Variants in VPS18 observed in about 807,000 individuals in gnomAD.
The protein encoded by VPS18 is VPS18 core subunit of CORVET and HOPS complexes, also known as vacuolar protein sorting-associated protein 18 homolog.
In VPS18, 25 loss-of-function variants were observed where a neutral mutation model predicts 82.0. That is an observed-to-expected ratio of 0.30 (90% CI 0.22 to 0.43). The LOEUF is 0.43. Ranked by LOEUF, VPS18 falls within the 20% of genes least tolerant of loss-of-function variation. The probability of loss-of-function intolerance (pLI) is 1.00; values close to 1 mark genes in which losing one functional copy is unlikely to be tolerated. For synonymous variants in VPS18, 523 were observed against 543.0 expected (o/e 0.96, Z 0.51); for missense variants, 1,168 against 1,311.1 (o/e 0.89, Z 1.69).
At position 40,894,635 on chromosome 15, in the gene VPS18, C is replaced by A; in HGVS notation, c.-134C>A. Reference sequence around the variant, plus strand: ...GATCCTCAGGATTTTAAAGAGGAGGCGACGGCTGCAGGTTCCCAGGATCTG... The same window carrying A: ...GATCCTCAGGATTTTAAAGAGGAGGAGACGGCTGCAGGTTCCCAGGATCTG... On this transcript the variant is annotated 5_prime_UTR_variant, in exon 1 of 5. Coordinates refer to ENST00000220509, the MANE Select transcript of VPS18 (RefSeq NM_020857.3). 1.4e-6 allele frequency: 1 copy of A among 740,286 alleles called. No homozygotes were observed. Among genetic ancestry groups the A allele is most frequent in the Non-Finnish European group, 2.1e-6 (1 of 477,652 alleles). 45.9% of individuals were successfully genotyped at this position (740,286 alleles called of 1,614,324 possible).
chr15:40,899,833 C>T lies in VPS18; in HGVS notation c.1015C>T (p.Leu339=). ...GACCCAGTTCCACTTCCTGCTGCTA[C>T]TGGCAGACCGGGTGGAGGCAGTGTG... is the stretch of plus-strand genomic sequence containing the variant. ...VLTQFHFLLL[L]ADRVEAVCTL... Residue 339 remains leucine, a synonymous_variant, in exon 4 of 5, where the codon CTG becomes TTG. Coordinates refer to ENST00000220509, the MANE Select transcript of VPS18 (RefSeq NM_020857.3). The surrounding 1 kb of genome is among the most constrained non-coding windows in gnomAD (Gnocchi z 4.4). 1 of 1,609,430 alleles carries T rather than the reference C, an allele frequency of 6.2e-7. No homozygotes were observed. Among genetic ancestry groups the T allele is most frequent in the Non-Finnish European group, 8.5e-7 (1 of 1,180,008 alleles).
rs1351057423 is a variant in VPS18 at position 40,899,311 on chromosome 15, G to A, written c.493G>A (p.Ala165Thr). The change falls in exon 4 of 5, where the codon GCC becomes ACC. Residue 165 changes from alanine (A) to threonine (T), a missense_variant. Physicochemically the swap from Ala to Thr is moderately conservative, Grantham distance 58. Around this residue, in one of 3 missense-constraint regions of VPS18, gnomAD observed 868 missense variants for 939.8 expected, o/e 0.92. Coordinates refer to ENST00000220509, the MANE Select transcript of VPS18 (RefSeq NM_020857.3). This position sits in a 1 kb window ranked among gnomAD's most constrained non-coding sequence, Gnocchi z 4.4. ...CACAGGCCCCATCCTGGTCGGGACT[G>A]CCCAAGGCCACATCTTTGAAGCAGA... is the stretch of plus-strand genomic sequence containing the variant. ...SSTGPILVGTAQGHIFEAELS... is the reference protein window; with the variant it reads ...SSTGPILVGTTQGHIFEAELS... 6.2e-6 allele frequency: 10 copies of A among 1,614,190 alleles called. No homozygotes were observed. The highest frequency in any genetic ancestry group is 8.5e-6 in the Non-Finnish European group (10 of 1,179,994).
At chr15:40,896,753 G>A (rs1892236790) in intron 2 of VPS18, among the ~76,000 whole-genome samples, 1 of 149,260 alleles carries the variant, frequency 6.7e-6, no homozygotes, top group South Asian at 2.1e-4. Context: ...GGAAGTTGCA[G>A]TGAGCTGAGA....
chr15:40,894,737 G>A lies in VPS18; in HGVS notation c.-32G>A. 6.5e-7 allele frequency: 1 copy of A among 1,536,040 alleles called. No homozygotes were observed. The highest frequency in any genetic ancestry group is 1.2e-5 in the South Asian group (1 of 82,832). On this transcript the variant is annotated 5_prime_UTR_variant, in exon 1 of 5. Transcript: ENST00000220509. ...GGGGTAGCCCTTTTGTAATCCCCAG[G>A]CCCCGGACAAAGAGCCCAGAGGCCG... is the stretch of plus-strand genomic sequence containing the variant.
rs1892398154 is a variant in VPS18 at position 40,903,314 on chromosome 15, CGAG to C, written c.2902_2904del (p.Glu968del). On this transcript the variant is annotated inframe_deletion, in exon 5 of 5. Transcript: ENST00000220509. ...GGCCGTTCATCGACCCCCAGCGCTA[CGAG>C]GAGGAGCAGCTCAGTTGGCTGTAGG... 3.2e-6 allele frequency: 5 copies of C among 1,546,328 alleles called. No homozygotes were observed. The highest frequency in any genetic ancestry group is 4.4e-6 in the Non-Finnish European group (5 of 1,146,090).
At chr15:40,894,938 G>C in intron 1 of VPS18, 79 bp downstream of exon 1, 1 of 1,416,612 alleles carries the variant, frequency 7.1e-7, no homozygotes, top group Non-Finnish European at 9.5e-7. Context: ...GCAGCTCCAA[G>C]AGCTCGGGGT....
In VPS18 at chr15:40,894,710, G is replaced by C. The variant is rs539047105; in HGVS notation, c.-59G>C. ...CCATTCTGGGGCGACGGGGACCCCG[G>C]GGGGGTAGCCCTTTTGTAATCCCCA... On this transcript the variant is annotated 5_prime_UTR_variant, in exon 1 of 5. Coordinates refer to ENST00000220509, the MANE Select transcript of VPS18 (RefSeq NM_020857.3). The C allele has an allele frequency of 6.5e-4, 952 of 1,463,340 alleles. 9 individuals are homozygous for C. The East Asian group carries it at 0.022, about 34-fold the overall frequency. The allele number at this position is 1,463,340 out of a possible 1,614,324, so 90.6% of individuals were successfully genotyped here.
At position 40,900,888 on chromosome 15, in the gene VPS18, C is replaced by T; in HGVS notation, c.2070C>T (p.Pro690=). 6.2e-7 allele frequency: 1 copy of T among 1,614,082 alleles called. No homozygotes were observed. Among genetic ancestry groups the T allele is most frequent in the Middle Eastern group, 1.6e-4 (1 of 6,062 alleles). ...ATCTGGAGCAGGCTGGGGCCAGCCC[C>T]CACCGGGTGCATTACGACCTCAAGT... ...LAYLEQAGAS[P]HRVHYDLKYA... is the part of the protein sequence containing the mutation. Residue 690 remains proline (P), a synonymous_variant, in exon 4 of 5, where the codon CCC becomes CCT. Coordinates refer to ENST00000220509, the MANE Select transcript of VPS18 (RefSeq NM_020857.3). This position sits in a 1 kb window ranked among gnomAD's most constrained non-coding sequence, Gnocchi z 5.4.
chr15:40,901,128 G>C, intron 4 of VPS18, 114 bp downstream of exon 4: 1 of 1,123,694 alleles, frequency 8.9e-7, no homozygotes. Flanking sequence ...CTTGCAGAGA[G>C]GGAAGGTTAA....
At position 40,902,164 on chromosome 15, in the gene VPS18, G is replaced by T. The variant is rs1391925161; in HGVS notation, c.2197-452G>T. On this transcript the variant is annotated intron_variant, in intron 4 of 4. Transcript: ENST00000220509. This position sits in a 1 kb window ranked among gnomAD's most constrained non-coding sequence, Gnocchi z 4.2. ...GTCTTGCTCTGTTTCCCAGGCAGGAGTGCAGTGGCCCAATCTCGGCTCACT... is the reference window on the plus strand; with the variant it reads ...GTCTTGCTCTGTTTCCCAGGCAGGATTGCAGTGGCCCAATCTCGGCTCACT... Among the ~76,000 whole-genome samples, 1 of 150,644 alleles carries T rather than the reference G, an allele frequency of 6.6e-6. No individual in the cohort carries two copies. Among genetic ancestry groups the T allele is most frequent in the African/African-American group, 2.4e-5 (1 of 40,906 alleles).
At chr15:40,894,990 T>TC in intron 1 of VPS18, 131 bp downstream of exon 1, 2 of 877,292 alleles carry the variant, frequency 2.3e-6, no homozygotes, top group Non-Finnish European at 3.3e-6. Context: ...CCCCTGATTC[T>TC]CCTCAGGCTC....
chr15:40,895,058 T>G lies in VPS18; in HGVS notation c.91+199T>G, dbSNP rs564750649. Among the ~76,000 whole-genome samples, 19 of 152,330 alleles carry G rather than the reference T, an allele frequency of 1.2e-4. No individual in the cohort carries two copies. In the South Asian group the frequency reaches 3.1e-3, roughly 25 times the overall value. On this transcript the variant is annotated intron_variant, in intron 1 of 4. Coordinates refer to ENST00000220509, the MANE Select transcript of VPS18 (RefSeq NM_020857.3). ...TGAAAGAGCAACGGGAGCTGCCGCG[T>G]GATCTAGGCTCTACCGCTAGGGTCC...
Position 40,900,061 on chromosome 15 carries a change from T to G in VPS18, c.1243T>G (p.Cys415Gly), listed in dbSNP as rs1892319326. 2.5e-6 allele frequency: 4 copies of G among 1,613,710 alleles called. No individual in the cohort carries two copies. Among genetic ancestry groups the G allele is most frequent in the Middle Eastern group, 1.6e-4 (1 of 6,084 alleles). Reference sequence around the variant, plus strand: ...CCGCTTCGATCTGGCCAAAGAGTATTGTCGAGAGCGGCCCGACTGCCTGGA... The same window carrying G: ...CCGCTTCGATCTGGCCAAAGAGTATGGTCGAGAGCGGCCCGACTGCCTGGA... ...MNRFDLAKEY[C>G]RERPDCLDTV... is the part of the protein sequence containing the mutation. The change falls in exon 4 of 5, where the codon TGT becomes GGT. Residue 415 changes from cysteine (C) to glycine (G), a missense_variant. Coordinates refer to ENST00000220509, the MANE Select transcript of VPS18 (RefSeq NM_020857.3). The surrounding 1 kb of genome is among the most constrained non-coding windows in gnomAD (Gnocchi z 5.4).
At chr15:40,895,518 C>G (rs1892214081) in intron 1 of VPS18, among the ~76,000 whole-genome samples, 1 of 152,154 alleles carries the variant, frequency 6.6e-6, no homozygotes, top group African/African-American at 2.4e-5. Flanking sequence ...CTTGCCAACT[C>G]TACACTGAGG....
In VPS18 at chr15:40,899,967, G is replaced by T. The variant is rs751132605; in HGVS notation, c.1149G>T (p.Glu383Asp). ...CAGGCCAGCTGTGGGCCTACACTGA[G>T]CGGGCTGTCTTCCGCTACCACGTGC... The part of the protein sequence containing the change: ...SSTGQLWAYT[E>D]RAVFRYHVQR... The change falls in exon 4 of 5, where the codon GAG (glutamate) becomes GAT (aspartate). Residue 383 changes from glutamate (E) to aspartate (D), a missense_variant. By Grantham distance (45) the Glu-to-Asp change is conservative (BLOSUM62 2). This residue lies in a region of VPS18 where 868 missense variants were observed against 939.8 expected (regional missense o/e 0.92). Transcript: ENST00000220509. This position sits in a 1 kb window ranked among gnomAD's most constrained non-coding sequence, Gnocchi z 4.4. The T allele has an allele frequency of 2.5e-6, 4 of 1,613,906 alleles. No homozygotes were observed. Among genetic ancestry groups the T allele is most frequent in the Non-Finnish European group, 3.4e-6 (4 of 1,180,044 alleles).
Position 40,902,112 on chromosome 15 carries a change from CTTTCTTTT to C in VPS18, c.2197-500_2197-493del, listed in dbSNP as rs1401846246. Among the ~76,000 whole-genome samples, 1 of 132,770 alleles carries C rather than the reference CTTTCTTTT, an allele frequency of 7.5e-6. No homozygotes were observed. The highest frequency in any genetic ancestry group is 7.3e-5 in the Admixed American group (1 of 13,780). 87.1% of individuals were successfully genotyped at this position (132,770 alleles called of 152,430 possible). A position where few individuals can be genotyped will look rare whatever the true frequency, so the allele number is the denominator to read the frequency against. ...AGGTGATTTCTTTCTTTCTTTCTTT[CTTTCTTTT>C]TTTTTTTTTTGAGACGGAGTCTTGC... is the stretch of plus-strand genomic sequence containing the variant. On this transcript the variant is annotated intron_variant, in intron 4 of 4. Transcript: ENST00000220509. The surrounding 1 kb of genome is among the most constrained non-coding windows in gnomAD (Gnocchi z 4.2).
intron 1 of VPS18, 125 bp downstream of exon 1, chr15:40,894,984 T>A: frequency 1.1e-6 from 1 of 939,444 alleles, no homozygotes; most frequent in South Asian, 1.8e-5. Context: ...TCTAGGCCCC[T>A]GATTCTCCTC....
chr15:40,898,107 C>A (rs1892261615), intron 2 of VPS18, among the ~76,000 whole-genome samples: 2 of 152,172 alleles, frequency 1.3e-5, no homozygotes, highest in South Asian at 4.1e-4. Context: ...GCTGGGACTA[C>A]AGGCGCCTGC....
rs1190739389 is a variant in VPS18 at position 40,903,764 on chromosome 15, C to CCTT, written c.*426_*428dup. Reference sequence around the variant, plus strand: ...CCCAGCTCTTCTCTCTCAGAAGAAGCCTTCTCTTCCTCCTGCCTGTAGGTG... The same window carrying CCTT: ...CCCAGCTCTTCTCTCTCAGAAGAAGCCTTCTTCTCTTCCTCCTGCCTGTAGGTG... On this transcript the variant is annotated 3_prime_UTR_variant, in exon 5 of 5. Coordinates refer to ENST00000220509, the MANE Select transcript of VPS18 (RefSeq NM_020857.3). 4 of 158,008 alleles carry CCTT rather than the reference C, an allele frequency of 2.5e-5. No individual in the cohort carries two copies. The highest frequency in any genetic ancestry group is 5.5e-5 in the Non-Finnish European group (4 of 72,188). The allele number at this position is 158,008 out of a possible 1,614,324, so 9.8% of individuals were successfully genotyped here. A position where few individuals can be genotyped will look rare whatever the true frequency, so the allele number is the denominator to read the frequency against.
Sources: allele counts gnomAD v4.1 joint callset (sites outside exome capture counted in the v4.1 genomes callset), GRCh38; gene constraint gnomAD v4.1.1; regional missense constraint gnomAD v4.1.1; non-coding constraint Gnocchi (gnomAD v3.1); transcripts MANE v1.5; gene names NCBI Gene and HGNC (gene_info 2026-07-23, HGNC 2026-07-21).